The following CTNND2 variants were observed in gnomAD, a reference collection of about 807,000 sequenced individuals.
CTNND2 encodes the protein catenin delta-2.
In CTNND2, 22 loss-of-function variants were observed where a neutral mutation model predicts 144.4. That is an observed-to-expected ratio of 0.15 (90% confidence interval 0.11 to 0.22). CTNND2 has a LOEUF of 0.22. Among genes scored for constraint, CTNND2 ranks in the 10% least tolerant of loss-of-function variants. The pLI, the probability that CTNND2 is intolerant of heterozygous loss-of-function variation, is 1.00. For missense variants in CTNND2, 1,353 were observed against 1,618.8 expected (o/e 0.84, Z 2.82); for synonymous variants, 751 against 695.6 (o/e 1.08, Z -1.25).
intron 11 of CTNND2, among the ~76,000 whole-genome samples, chr5:11,172,077 G>A (rs1032438269): frequency 3.9e-5 from 6 of 152,108 alleles, no homozygotes; most frequent in African/African-American, 1.4e-4. Context: ...AATTACTTTC[G>A]CGCCATAATA....
chr5:11,732,133 T>TAC lies in CTNND2; in HGVS notation c.174+1_174+2dup. On this transcript the variant is annotated splice_region_variant and intron_variant, in intron 2 of 21. Coordinates refer to ENST00000304623, the MANE Select transcript of CTNND2 (RefSeq NM_001332.4). ...CATATCACAAAAATGGGAATGTTTC[T>TAC]ACCTGTTCTTTGACTGAGGCGAGGA... 1.2e-6 allele frequency: 2 copies of TAC among 1,612,686 alleles called. No individual in the cohort carries two copies. Among genetic ancestry groups the TAC allele is most frequent in the Non-Finnish European group, 1.7e-6 (2 of 1,178,832 alleles).
chr5:11,754,917 T>C (rs2126792907), intron 1 of CTNND2, among the ~76,000 whole-genome samples: 1 of 151,902 alleles, frequency 6.6e-6, no homozygotes, highest in African/African-American at 2.4e-5. Flanking sequence ...GCCCTTTAAT[T>C]GGGGCATTTA....
At chr5:11,424,069 T>A (rs1762578858) in intron 3 of CTNND2, among the ~76,000 whole-genome samples, 1 of 152,184 alleles carries the variant, frequency 6.6e-6, no homozygotes, top group East Asian at 1.9e-4. Context: ...TCTGAAACCA[T>A]CTGAAAGTTT....
intron 1 of CTNND2, among the ~76,000 whole-genome samples, chr5:11,901,346 T>C (rs55944133): frequency 0.024 from 3,690 of 152,326 alleles, 126 homozygotes; most frequent in African/African-American, 0.072. Context: ...TTTGAGATTA[T>C]AACTTCATTT....
At chr5:11,845,688 G>T (rs372344893) in intron 1 of CTNND2, among the ~76,000 whole-genome samples, 6 of 152,160 alleles carry the variant, frequency 3.9e-5, no homozygotes, top group African/African-American at 1.4e-4. Flanking sequence ...CTCAGTTTGC[G>T]ATGCTTTGTT....
intron 15 of CTNND2, among the ~76,000 whole-genome samples, chr5:11,096,374 C>T (rs1268615149): frequency 1.3e-5 from 2 of 152,062 alleles, no homozygotes; most frequent in Non-Finnish European, 2.9e-5. Flanking sequence ...TCCATGTGTT[C>T]TCATTGTTCA....
At position 11,412,072 on chromosome 5, in the gene CTNND2, G is replaced by A. The variant is rs1291939056; in HGVS notation, c.288-3C>T. 6 of 1,608,402 alleles carry A rather than the reference G, an allele frequency of 3.7e-6. No individual in the cohort carries two copies. The highest frequency in any genetic ancestry group is 1.3e-5 in the African/African-American group (1 of 74,754). On this transcript the variant is annotated splice_polypyrimidine_tract_variant and splice_region_variant and intron_variant, in intron 3 of 21. Coordinates refer to ENST00000304623, the MANE Select transcript of CTNND2 (RefSeq NM_001332.4). ...ACTGAAACTGCTCTTCTGCTGAACT[G>A]TAAAAAAGAAAATACAGAGATATAA...
chr5:11,505,209 A>C (rs1770908324), intron 3 of CTNND2, among the ~76,000 whole-genome samples: 1 of 152,000 alleles, frequency 6.6e-6, no homozygotes, highest in African/African-American at 2.4e-5. Context: ...AAAAAAAAAA[A>C]AGTCGAGAAA....
intron 3 of CTNND2, among the ~76,000 whole-genome samples, chr5:11,545,532 G>A (rs1581460786): frequency 6.6e-6 from 1 of 151,366 alleles, no homozygotes; most frequent in African/African-American, 2.4e-5. Context: ...CATGGTGGCG[G>A]GTGCCTGTAA....
At chr5:10,991,738 T>TATC (rs1296243391) in intron 19 of CTNND2, among the ~76,000 whole-genome samples, 1 of 152,198 alleles carries the variant, frequency 6.6e-6, no homozygotes, top group East Asian at 1.9e-4. Context: ...GATAATAATT[T>TATC]ATCAGTGGCA....
intron 2 of CTNND2, among the ~76,000 whole-genome samples, chr5:11,605,925 C>T (rs77180790): frequency 0.013 from 2,038 of 152,272 alleles, 27 homozygotes; most frequent in Middle Eastern, 0.034. Flanking sequence ...CTTAAGGTTA[C>T]AAGTCAGTTG....
intron 2 of CTNND2, among the ~76,000 whole-genome samples, chr5:11,624,965 C>T (rs1781070945): frequency 6.6e-6 from 1 of 151,734 alleles, no homozygotes; most frequent in Non-Finnish European, 1.5e-5. Context: ...ATCTGTAAAA[C>T]CAAAACAAAC....
intron 8 of CTNND2, among the ~76,000 whole-genome samples, chr5:11,347,637 A>G (rs1185034863): frequency 6.6e-6 from 1 of 152,232 alleles, no homozygotes; most frequent in Admixed American, 6.5e-5. Context: ...CAGACAGCCC[A>G]CTTGCTTTCT....
rs1561138520 is a variant in CTNND2 at position 11,277,529 on chromosome 5, T to TATTTATTTATTTATTTATTTATTC, written c.1629-40707_1629-40706insGAATAAATAAATAAATAAATAAAT. ...TTATTTATTTATTTATTTATTTATTTATTTATTTATTTATTTATTTTTGAG... is the reference window on the plus strand; with the variant it reads ...TTATTTATTTATTTATTTATTTATTTATTTATTTATTTATTTATTTATTCATTTATTTATTTATTTATTTTTGAG... On this transcript the variant is annotated intron_variant, in intron 9 of 21. Transcript: ENST00000304623. 2.5e-4 allele frequency among the ~76,000 whole-genome samples: 38 copies of TATTTATTTATTTATTTATTTATTC among 149,310 alleles called. 2 individuals are homozygous for TATTTATTTATTTATTTATTTATTC. Among genetic ancestry groups the TATTTATTTATTTATTTATTTATTC allele is most frequent in the Middle Eastern group, 3.5e-3 (1 of 288 alleles).
chr5:11,684,157 A>G (rs1019387471), intron 2 of CTNND2, among the ~76,000 whole-genome samples: 2 of 151,490 alleles, frequency 1.3e-5, no homozygotes, highest in African/African-American at 4.9e-5. Flanking sequence ...GCTGGAATGC[A>G]GTGGCACAAT....
intron 2 of CTNND2, among the ~76,000 whole-genome samples, chr5:11,725,797 C>A (rs1786984788): frequency 6.6e-6 from 1 of 152,112 alleles, no homozygotes; most frequent in African/African-American, 2.4e-5. Context: ...ATTGTCTGTT[C>A]TTTTTAAAAA....
At chr5:11,456,067 G>A (rs1335017855) in intron 3 of CTNND2, among the ~76,000 whole-genome samples, 1 of 152,150 alleles carries the variant, frequency 6.6e-6, no homozygotes, top group East Asian at 1.9e-4. Context: ...AAATTAATAT[G>A]TGCACTGCAG....
intron 16 of CTNND2, among the ~76,000 whole-genome samples, chr5:11,075,205 T>C (rs1748810802): frequency 6.6e-6 from 1 of 152,166 alleles, no homozygotes; most frequent in South Asian, 2.1e-4. Context: ...AAGCAGCAGA[T>C]TCCCCCTAGG....
chr5:11,172,049 A>G (rs1759979528), intron 11 of CTNND2, among the ~76,000 whole-genome samples: 1 of 152,224 alleles, frequency 6.6e-6, no homozygotes, highest in Non-Finnish European at 1.5e-5. Flanking sequence ...AGTAATTAAA[A>G]ACAATGACAA....
Sources: allele counts gnomAD v4.1 joint callset (sites outside exome capture counted in the v4.1 genomes callset), GRCh38; gene constraint gnomAD v4.1.1; transcripts MANE v1.5; gene names NCBI Gene and HGNC (gene_info 2026-07-23, HGNC 2026-07-21).